The following DDIT4L variants were observed in gnomAD, a reference collection of about 807,000 sequenced individuals.
DDIT4L encodes DNA damage inducible transcript 4 like.
A neutral mutation model predicts 15.9 loss-of-function variants in DDIT4L; 13 were observed. The observed-to-expected ratio is 0.82, with a 90% CI of 0.53 to 1.30. The LOEUF (loss-of-function observed/expected upper bound fraction) is 1.30. Ranked by LOEUF, DDIT4L falls within the 50% of genes most tolerant of loss-of-function variation. The pLI is 0.00. For missense variants in DDIT4L, 235 were observed against 224.8 expected (o/e 1.05, Z -0.29); for synonymous variants, 82 against 85.4 (o/e 0.96, Z 0.22).
Position 100,190,049 on chromosome 4 carries a change from G to T in DDIT4L, c.-49-17C>A. ...TCCTGAGCGCTGGAAAAAATGAGGC[G>T]AGAAGAGACGGATTTGCAAAAGCAG... On this transcript the variant is annotated splice_polypyrimidine_tract_variant and intron_variant, in intron 1 of 2. Coordinates refer to ENST00000273990, the MANE Select transcript of DDIT4L (RefSeq NM_145244.4). 2.0e-6 allele frequency: 3 copies of T among 1,487,488 alleles called. No homozygotes were observed. The highest frequency in any genetic ancestry group is 2.3e-5 in the South Asian group (2 of 87,906). The allele number at this position is 1,487,488 out of a possible 1,614,324, so 92.1% of individuals were successfully genotyped here.
Position 100,190,042 on chromosome 4 carries a change from A to C in DDIT4L, c.-49-10T>G. ...CGGCCTTTCCTGAGCGCTGGAAAAA[A>C]TGAGGCGAGAAGAGACGGATTTGCA... On this transcript the variant is annotated splice_polypyrimidine_tract_variant and intron_variant, in intron 1 of 2. Coordinates refer to ENST00000273990, the MANE Select transcript of DDIT4L (RefSeq NM_145244.4). 1.3e-6 allele frequency: 2 copies of C among 1,537,246 alleles called. No homozygotes were observed. Among genetic ancestry groups the C allele is most frequent in the Non-Finnish European group, 1.8e-6 (2 of 1,112,160 alleles).
chr4:100,187,556 A>G lies in DDIT4L; in HGVS notation c.*121T>C, dbSNP rs978276114. 1.2e-5 allele frequency: 13 copies of G among 1,116,174 alleles called. No homozygotes were observed. Among genetic ancestry groups the G allele is most frequent in the East Asian group, 2.9e-5 (1 of 35,030 alleles). 69.1% of individuals were successfully genotyped at this position (1,116,174 alleles called of 1,614,324 possible). ...CTATGAATGTGAAACACAGAAAGAA[A>G]AGAGACTACATTTGGGGTTTCTTAT... On this transcript the variant is annotated 3_prime_UTR_variant, in exon 3 of 3. Coordinates refer to ENST00000273990, the MANE Select transcript of DDIT4L (RefSeq NM_145244.4).
At chr4:100,188,623 G>A (rs1043690554) in intron 2 of DDIT4L, among the ~76,000 whole-genome samples, 5 of 152,016 alleles carry the variant, frequency 3.3e-5, no homozygotes, top group Admixed American at 6.5e-5. Context: ...TTGGACTAAG[G>A]GGTTGTTACT....
At position 100,190,438 on chromosome 4, in the gene DDIT4L, G is replaced by C. The variant is rs3749601; in HGVS notation, c.-185C>G. On this transcript the variant is annotated 5_prime_UTR_variant, in exon 1 of 3. Transcript: ENST00000273990. ...CAGCGGCACCCTGCTCACCCCTCCC[G>C]GGCCACCCTGCGCCGGCTCCTCGCA... The C allele has an allele frequency of 0.67, 112,399 of 167,418 alleles. 37,942 individuals carry two copies. Among genetic ancestry groups the C allele is most frequent in the East Asian group, 0.76 (4,065 of 5,338 alleles). 10.4% of individuals were successfully genotyped at this position (167,418 alleles called of 1,614,324 possible).
At position 100,186,033 on chromosome 4, in the gene DDIT4L, CCATGCCCAA is replaced by C. The variant is rs1293029047; in HGVS notation, c.*1635_*1643del. On this transcript the variant is annotated 3_prime_UTR_variant, in exon 3 of 3. Coordinates refer to ENST00000273990, the MANE Select transcript of DDIT4L (RefSeq NM_145244.4). ...TGGGAAAAGGACAACAGTTCTACAT[CCATGCCCAA>C]GAAGCCTTGCCCAGTCAGTGGTGAC... 1 of 152,196 alleles carries C rather than the reference CCATGCCCAA, an allele frequency of 6.6e-6. No individual in the cohort carries two copies. Among genetic ancestry groups the C allele is most frequent in the Non-Finnish European group, 1.5e-5 (1 of 68,044 alleles). The allele number at this position is 152,196 out of a possible 1,614,324, so 9.4% of individuals were successfully genotyped here. A position where few individuals can be genotyped will look rare whatever the true frequency, so the allele number is the denominator to read the frequency against.
In DDIT4L at chr4:100,188,055, T is replaced by G; in HGVS notation, c.204A>C (p.Ser68=). The G allele has an allele frequency of 6.2e-7, 1 of 1,614,212 alleles. No individual in the cohort carries two copies. Among genetic ancestry groups the G allele is most frequent in the Non-Finnish European group, 8.5e-7 (1 of 1,180,048 alleles). The change falls in exon 3 of 3, where the codon TCA becomes TCC. Residue 68 remains serine (S), a synonymous_variant. Coordinates refer to ENST00000273990, the MANE Select transcript of DDIT4L (RefSeq NM_145244.4). The part of the protein sequence containing the change: ...VKMLENCLSK[S]KQTKLGCSKV... Reference sequence around the variant, plus strand: ...TTGAGCAACCAAGTTTAGTTTGCTTTGATTTGGACAGACAGTTCTCCAGCA... The same window carrying G: ...TTGAGCAACCAAGTTTAGTTTGCTTGGATTTGGACAGACAGTTCTCCAGCA...
chr4:100,190,183 GC>G (rs1560556272), intron 1 of DDIT4L, 119 bp downstream of exon 1: 4 of 567,026 alleles, frequency 7.1e-6, no homozygotes, highest in African/African-American at 3.9e-5. Context: ...ATTTGACAAA[GC>G]CCTGGGAGCG....
chr4:100,187,530 G>A lies in DDIT4L; in HGVS notation c.*147C>T, dbSNP rs1723438456. On this transcript the variant is annotated 3_prime_UTR_variant, in exon 3 of 3. Coordinates refer to ENST00000273990, the MANE Select transcript of DDIT4L (RefSeq NM_145244.4). Reference sequence around the variant, plus strand: ...GAAAATCAGCCTGTTAGCTGCAGTTGCTATGAATGTGAAACACAGAAAGAA... The same window carrying A: ...GAAAATCAGCCTGTTAGCTGCAGTTACTATGAATGTGAAACACAGAAAGAA... 1.1e-6 allele frequency: 1 copy of A among 870,742 alleles called. No homozygotes were observed. Among genetic ancestry groups the A allele is most frequent in the Non-Finnish European group, 1.7e-6 (1 of 604,796 alleles). 53.9% of individuals were successfully genotyped at this position (870,742 alleles called of 1,614,324 possible). A position where few individuals can be genotyped will look rare whatever the true frequency, so the allele number is the denominator to read the frequency against.
In DDIT4L at chr4:100,187,748, T is replaced by G; in HGVS notation, c.511A>C (p.Ser171Arg). The G allele has an allele frequency of 6.2e-7, 1 of 1,612,350 alleles. No homozygotes were observed. The highest frequency in any genetic ancestry group is 1.1e-5 in the South Asian group (1 of 90,494). Residue 171 changes from serine (S) to arginine (R), a missense_variant, in exon 3 of 3, where the codon AGC becomes CGC. Coordinates refer to ENST00000273990, the MANE Select transcript of DDIT4L (RefSeq NM_145244.4). The stretch of plus-strand genomic sequence containing the variant: ...TTCTTAACAAGTCGAAATCCTGAGC[T>G]GAGGATCAGAGTTCTCCTGAAACCA... ...SSGFRRTLIL[S>R]SGFRLVKKKL... is the part of the protein sequence containing the mutation.
rs977254977 is a variant in DDIT4L at position 100,186,816 on chromosome 4, C to T, written c.*861G>A. 1 of 152,170 alleles carries T rather than the reference C, an allele frequency of 6.6e-6. No homozygotes were observed. The highest frequency in any genetic ancestry group is 1.5e-5 in the Non-Finnish European group (1 of 68,036). The allele number at this position is 152,170 out of a possible 1,614,324, so 9.4% of individuals were successfully genotyped here. ...GTAATACTGAAAAGAGGATAGATTA[C>T]TAAGTGAATCAGAGAGGGACTAGAT... On this transcript the variant is annotated 3_prime_UTR_variant, in exon 3 of 3. Coordinates refer to ENST00000273990, the MANE Select transcript of DDIT4L (RefSeq NM_145244.4).
In DDIT4L at chr4:100,187,926, G is replaced by T; in HGVS notation, c.333C>A (p.Asn111Lys). 1 of 1,614,018 alleles carries T rather than the reference G, an allele frequency of 6.2e-7. No homozygotes were observed. Among genetic ancestry groups the T allele is most frequent in the African/African-American group, 1.3e-5 (1 of 75,014 alleles). ...CGLRGCVMHV[N>K]LEIENVCKKL... ...TTTTACATACATTTTCAATTTCCAA[G>T]TTCACGTGCATAACACAACCTCGCA... Residue 111 changes from asparagine (N) to lysine (K), a missense_variant, in exon 3 of 3, where the codon AAC (asparagine) becomes AAA (lysine). Physicochemically the swap from Asn to Lys is moderately conservative, Grantham distance 94 (BLOSUM62 0). Coordinates refer to ENST00000273990, the MANE Select transcript of DDIT4L (RefSeq NM_145244.4).
rs1723450364 is a variant in DDIT4L, at chr4:100,187,986, A to C, written c.273T>G (p.Asp91Glu). 1 of 1,614,060 alleles carries C rather than the reference A, an allele frequency of 6.2e-7. No homozygotes were observed. The highest frequency in any genetic ancestry group is 1.3e-5 in the African/African-American group (1 of 74,940). Residue 91 changes from aspartate to glutamate, a missense_variant, in exon 3 of 3, where the codon GAT becomes GAG. Coordinates refer to ENST00000273990, the MANE Select transcript of DDIT4L (RefSeq NM_145244.4). The part of the protein sequence containing the change: ...PEKLTQRIAQ[D>E]VLRLSSTEPC... Reference sequence around the variant, plus strand: ...GCTCCGTTGAGGAAAGCCGCAGGACATCTTGAGCAATTCTCTGGGTCAGTT... The same window carrying C: ...GCTCCGTTGAGGAAAGCCGCAGGACCTCTTGAGCAATTCTCTGGGTCAGTT...
chr4:100,190,341 G>C lies in DDIT4L; in HGVS notation c.-88C>G, dbSNP rs573880521. 9.1e-3 allele frequency: 2,577 copies of C among 283,038 alleles called. 27 individuals carry two copies. Among genetic ancestry groups the C allele is most frequent in the Non-Finnish European group, 9.8e-3 (1,460 of 148,314 alleles). The allele number at this position is 283,038 out of a possible 1,614,324, so 17.5% of individuals were successfully genotyped here. The stretch of plus-strand genomic sequence containing the variant: ...GCGGGGGCCTGCGCGCTCGCTGCCG[G>C]GTAAACACAGGCAGGTGGCTTCTTA... On this transcript the variant is annotated 5_prime_UTR_variant, in exon 1 of 3. Transcript: ENST00000273990.
chr4:100,190,021 C>T lies in DDIT4L; in HGVS notation c.-38G>A, dbSNP rs1723489476. 1.3e-6 allele frequency: 2 copies of T among 1,591,664 alleles called. No individual in the cohort carries two copies. Among genetic ancestry groups the T allele is most frequent in the African/African-American group, 2.7e-5 (2 of 74,444 alleles). ...TGTTTCCTTCGCGAGGCGCAACGGC[C>T]TTTCCTGAGCGCTGGAAAAAATGAG... On this transcript the variant is annotated 5_prime_UTR_variant, in exon 2 of 3. Coordinates refer to ENST00000273990, the MANE Select transcript of DDIT4L (RefSeq NM_145244.4).
chr4:100,188,850 C>A (rs374125615), intron 2 of DDIT4L, among the ~76,000 whole-genome samples: 11 of 152,238 alleles, frequency 7.2e-5, no homozygotes, highest in Admixed American at 1.3e-4. Context: ...TATTTGTAAC[C>A]GGCTGGGTGG....
rs897010877 is a variant in DDIT4L, at chr4:100,187,611, CTT to C, written c.*64_*65del. The stretch of plus-strand genomic sequence containing the variant: ...GGCAGGTGGGGCAAACTACAAATGA[CTT>C]TAGCTGACTAGCTGAATAGTTTTAC... On this transcript the variant is annotated 3_prime_UTR_variant, in exon 3 of 3. Coordinates refer to ENST00000273990, the MANE Select transcript of DDIT4L (RefSeq NM_145244.4). 4.6e-6 allele frequency: 7 copies of C among 1,517,904 alleles called. No individual in the cohort carries two copies. The Admixed American group carries it at 1.8e-4, about 39-fold the overall frequency. The allele number at this position is 1,517,904 out of a possible 1,614,324, so 94.0% of individuals were successfully genotyped here. A position where few individuals can be genotyped will look rare whatever the true frequency, so the allele number is the denominator to read the frequency against.
At chr4:100,190,099 A>C in intron 1 of DDIT4L, 67 bp from the exon 2 acceptor site, 4 of 931,290 alleles carry the variant, frequency 4.3e-6, no homozygotes, top group Non-Finnish European at 5.0e-6. Flanking sequence ...GGCTCCTAAA[A>C]TGCCCGGCGT....
At chr4:100,189,855 C>T in intron 2 of DDIT4L, 38 bp downstream of exon 2, 1 of 1,603,730 alleles carries the variant, frequency 6.2e-7, no homozygotes, top group Non-Finnish European at 8.5e-7. Context: ...AGGCACCGAC[C>T]TTGGGAGGGG....
chr4:100,189,661 G>T (rs574899468), intron 2 of DDIT4L, among the ~76,000 whole-genome samples: 1 of 152,154 alleles, frequency 6.6e-6, no homozygotes, highest in Admixed American at 6.6e-5. Flanking sequence ...TAATCCCAAG[G>T]GGCCTACTGG....
Sources: allele counts gnomAD v4.1 joint callset (sites outside exome capture counted in the v4.1 genomes callset), GRCh38; gene constraint gnomAD v4.1.1; transcripts MANE v1.5; gene names NCBI Gene and HGNC (gene_info 2026-07-23, HGNC 2026-07-21).